SH2D4B: variants seen among roughly 807,000 people sequenced by gnomAD.
The protein encoded by SH2D4B is SH2 domain containing 4B, also known as SH2 domain-containing protein 4B.
Under a neutral mutation model 61.5 loss-of-function variants are expected in SH2D4B, and 45 were observed. The observed-to-expected ratio is 0.73, with a 90% CI of 0.58 to 0.94. SH2D4B has a LOEUF of 0.94. Among genes scored for constraint, SH2D4B ranks in the 40% least tolerant of loss-of-function variants. The pLI, the probability that SH2D4B is intolerant of heterozygous loss-of-function variation, is 0.00. For missense variants in SH2D4B, 572 were observed against 574.2 expected (o/e 1.00, Z 0.04); for synonymous variants, 224 against 220.4 (o/e 1.02, Z -0.14).
Position 80,644,265 on chromosome 10 carries a change from G to T in SH2D4B, c.*180G>T, listed in dbSNP as rs922399841. ...ATAGGGCTACTGGTCTCATCCCAGC[G>T]ATCGGGACAGAAATTGCTAATAGCT... On this transcript the variant is annotated 3_prime_UTR_variant, in exon 8 of 8. Coordinates refer to ENST00000646907, the MANE Select transcript of SH2D4B (RefSeq NM_001388272.1). 1.1e-5 allele frequency: 6 copies of T among 570,530 alleles called. No individual in the cohort carries two copies. The highest frequency in any genetic ancestry group is 3.2e-5 in the Admixed American group (1 of 31,574). 35.3% of individuals were successfully genotyped at this position (570,530 alleles called of 1,614,324 possible).
At chr10:80,620,227 T>C (rs1394018260) in intron 6 of SH2D4B, among the ~76,000 whole-genome samples, 2 of 152,272 alleles carry the variant, frequency 1.3e-5, no homozygotes, top group East Asian at 1.9e-4. Context: ...TGGGGGGCGG[T>C]TCCCCCCCTT....
chr10:80,552,623 G>A (rs1173221241), intron 1 of SH2D4B, among the ~76,000 whole-genome samples: 2 of 152,206 alleles, frequency 1.3e-5, no homozygotes, highest in African/African-American at 2.4e-5. Context: ...CTCCAGCTCA[G>A]AGGAGCTGGG....
At chr10:80,540,852 G>A in intron 1 of SH2D4B, 1 of 1,551,404 alleles carries the variant, frequency 6.4e-7, no homozygotes, top group Non-Finnish European at 8.7e-7. Context: ...GGCGGGAATT[G>A]TGCGGGGACG....
chr10:80,629,899 G>A (rs890245991), intron 6 of SH2D4B, among the ~76,000 whole-genome samples: 4 of 152,210 alleles, frequency 2.6e-5, no homozygotes, highest in African/African-American at 9.6e-5. Context: ...TTGTGTCCAT[G>A]CTCTTCATCA....
At chr10:80,602,352 A>C (rs1842460019) in intron 4 of SH2D4B, among the ~76,000 whole-genome samples, 1 of 152,086 alleles carries the variant, frequency 6.6e-6, no homozygotes, top group Admixed American at 6.6e-5. Flanking sequence ...ACTCTCAGCT[A>C]CTCAGGAGGC....
intron 7 of SH2D4B, among the ~76,000 whole-genome samples, chr10:80,635,346 C>T (rs935898181): frequency 6.6e-5 from 10 of 152,102 alleles, no homozygotes; most frequent in African/African-American, 2.2e-4. Flanking sequence ...CGAAGGATTC[C>T]GAGGGGCAGA....
chr10:80,609,052 A>G (rs1490001689), intron 5 of SH2D4B, among the ~76,000 whole-genome samples: 1 of 152,140 alleles, frequency 6.6e-6, no homozygotes, highest in Non-Finnish European at 1.5e-5. Flanking sequence ...GCCGTGCTCG[A>G]GGGAAAATGT....
At chr10:80,547,975 G>A (rs1049413155) in intron 1 of SH2D4B, among the ~76,000 whole-genome samples, 2 of 152,090 alleles carry the variant, frequency 1.3e-5, no homozygotes, top group Non-Finnish European at 2.9e-5. Flanking sequence ...GTGGATTTAT[G>A]GTGACACAGG....
intron 1 of SH2D4B, among the ~76,000 whole-genome samples, chr10:80,544,554 G>A (rs369168903): frequency 9.6e-4 from 146 of 152,324 alleles, no homozygotes; most frequent in Non-Finnish European, 1.7e-3. Flanking sequence ...CAGTAGCCAC[G>A]GCAACCTTGC....
At chr10:80,587,365 C>T (rs1842271945) in intron 3 of SH2D4B, among the ~76,000 whole-genome samples, 1 of 151,960 alleles carries the variant, frequency 6.6e-6, no homozygotes, top group Admixed American at 6.6e-5. Context: ...ACTGCAACCT[C>T]CTCCTTCCGG....
At chr10:80,567,784 T>G (rs1200800544) in intron 1 of SH2D4B, among the ~76,000 whole-genome samples, 1 of 152,200 alleles carries the variant, frequency 6.6e-6, no homozygotes, top group Admixed American at 6.5e-5. Flanking sequence ...TGGCCTCCTC[T>G]GAAGGGAGTG....
At chr10:80,566,656 G>A (rs983268056) in intron 1 of SH2D4B, among the ~76,000 whole-genome samples, 1 of 152,102 alleles carries the variant, frequency 6.6e-6, no homozygotes, top group African/African-American at 2.4e-5. Flanking sequence ...TAAAAGAGGG[G>A]GGATCTCTGC....
intron 1 of SH2D4B, among the ~76,000 whole-genome samples, chr10:80,564,374 C>T (rs1018874828): frequency 1.3e-5 from 2 of 152,170 alleles, no homozygotes; most frequent in African/African-American, 4.8e-5. Flanking sequence ...ATCAGCCCTC[C>T]CCTCATCTAC....
chr10:80,589,846 G>A (rs970409533), intron 4 of SH2D4B, among the ~76,000 whole-genome samples: 10 of 152,168 alleles, frequency 6.6e-5, no homozygotes, highest in East Asian at 3.9e-4. Flanking sequence ...AAAGGAACAC[G>A]GAATGCCTGG....
At chr10:80,614,348 G>A (rs1842635539) in intron 6 of SH2D4B, among the ~76,000 whole-genome samples, 1 of 152,146 alleles carries the variant, frequency 6.6e-6, no homozygotes, top group African/African-American at 2.4e-5. Flanking sequence ...GGTGGGTAGT[G>A]GCAGGTGCCA....
chr10:80,544,493 G>A (rs1475928664), intron 1 of SH2D4B, among the ~76,000 whole-genome samples: 2 of 152,246 alleles, frequency 1.3e-5, no homozygotes, highest in Non-Finnish European at 2.9e-5. Flanking sequence ...GAAACTGTAT[G>A]ACACCATCCT....
chr10:80,546,008 CTCTTTCTTTCTTTCTCTT>C (rs1841673713), intron 1 of SH2D4B, among the ~76,000 whole-genome samples: 1 of 148,698 alleles, frequency 6.7e-6, no homozygotes, highest in Non-Finnish European at 1.5e-5. Flanking sequence ...CTTTCTCTCT[CTCTTTCTTTCTTTCTCTT>C]TCTTTCTTTC....
At chr10:80,606,101 G>A (rs1200566655) in intron 5 of SH2D4B, among the ~76,000 whole-genome samples, 10 of 152,194 alleles carry the variant, frequency 6.6e-5, no homozygotes, top group East Asian at 5.8e-4. Context: ...CCCATGGGAC[G>A]GGTGCCCATG....
At chr10:80,546,090 G>A (rs1015784314) in intron 1 of SH2D4B, among the ~76,000 whole-genome samples, 2 of 143,712 alleles carry the variant, frequency 1.4e-5, no homozygotes, top group African/African-American at 5.2e-5. Flanking sequence ...TGTCATCCAG[G>A]CTGCAGTGCA....
Sources: gnomAD v4.1 joint callset for allele counts (sites outside exome capture counted in the v4.1 genomes callset) on GRCh38, gnomAD v4.1.1 for gene constraint, MANE v1.5 for transcripts, NCBI Gene and HGNC (gene_info 2026-07-23, HGNC 2026-07-21) for gene names.